The following SMAP1 variants were observed in gnomAD, a reference collection of about 807,000 sequenced individuals.
The protein encoded by SMAP1 is stromal membrane-associated protein 1.
A neutral mutation model predicts 58.5 loss-of-function variants in SMAP1; 24 were observed. That is an observed-to-expected ratio of 0.41 (90% confidence interval 0.30 to 0.58). SMAP1 has a LOEUF of 0.58. Among genes scored for constraint, SMAP1 ranks in the 20% least tolerant of loss-of-function variants. SMAP1 has a pLI of 0.29. For synonymous variants in SMAP1, 216 were observed against 196.6 expected, an observed-to-expected ratio of 1.10 and a Z score of -0.82; for missense variants, 563 against 566.3, an observed-to-expected ratio of 0.99 and a Z score of 0.06.
intron 1 of SMAP1, among the ~76,000 whole-genome samples, chr6:70,683,798 C>T (rs538726017): frequency 1.3e-5 from 2 of 152,180 alleles, no homozygotes. Context: ...GGTATCTGTT[C>T]GAGTCTGCTA....
At chr6:70,835,251 CAAAAAAAAAA>C (rs778677881) in intron 6 of SMAP1, among the ~76,000 whole-genome samples, 13 of 57,950 alleles carry the variant, frequency 2.2e-4, no homozygotes, top group East Asian at 1.6e-3. Flanking sequence ...GACTCCGTCT[CAAAAAAAAAA>C]AAAAAAAAAA....
At chr6:70,797,491 G>A (rs754179095) in intron 5 of SMAP1, among the ~76,000 whole-genome samples, 1 of 151,812 alleles carries the variant, frequency 6.6e-6, no homozygotes, top group Non-Finnish European at 1.5e-5. Flanking sequence ...TATCATCATC[G>A]TCTTTACTTT....
chr6:70,854,532 G>A lies in SMAP1; in HGVS notation c.789+1868G>A, dbSNP rs551592120. Among the ~76,000 whole-genome samples, 7 of 152,136 alleles carry A rather than the reference G, an allele frequency of 4.6e-5. No individual in the cohort carries two copies. In the South Asian group the frequency reaches 1.2e-3, roughly 27 times the overall value. ...AGTTACTCGGGAGGCTGAGGCAGGAGAATTGCTTGAACCCGGGAGGCAGAG... is the reference window on the plus strand; with the variant it reads ...AGTTACTCGGGAGGCTGAGGCAGGAAAATTGCTTGAACCCGGGAGGCAGAG... On this transcript the variant is annotated intron_variant, in intron 8 of 10. Coordinates refer to ENST00000370455, the MANE Select transcript of SMAP1 (RefSeq NM_001044305.3).
At chr6:70,694,880 A>G (rs1201733075) in intron 1 of SMAP1, among the ~76,000 whole-genome samples, 1 of 152,202 alleles carries the variant, frequency 6.6e-6, no homozygotes, top group Non-Finnish European at 1.5e-5. Flanking sequence ...GATCAAAGGT[A>G]TAATTTAAAC....
intron 2 of SMAP1, among the ~76,000 whole-genome samples, chr6:70,748,537 T>A (rs111382477): frequency 1.9e-3 from 290 of 152,262 alleles, no homozygotes; most frequent in African/African-American, 6.6e-3. Flanking sequence ...TGAGATTTTT[T>A]AAAATATATA....
At position 70,681,828 on chromosome 6, in the gene SMAP1, G is replaced by GT. The variant is rs570377110; in HGVS notation, c.118+13693dup. ...GCTTGTGGAATCTTTAGAACATCAG[G>GT]TTTTTTGATGTCTCTAGGTGCAGGA... On this transcript the variant is annotated intron_variant, in intron 1 of 10. Transcript: ENST00000370455. 3.8e-3 allele frequency among the ~76,000 whole-genome samples: 573 copies of GT among 152,236 alleles called. 1 individual carries two copies. Among genetic ancestry groups the GT allele is most frequent in the Non-Finnish European group, 4.2e-3 (286 of 68,016 alleles).
In SMAP1 at chr6:70,857,244, A is replaced by C. The variant is rs1472688679; in HGVS notation, c.961+214A>C. 6 of 406,250 alleles carry C rather than the reference A, an allele frequency of 1.5e-5. No homozygotes were observed. In the East Asian group the frequency reaches 1.5e-4, roughly 10 times the overall value. 25.2% of individuals were successfully genotyped at this position (406,250 alleles called of 1,614,324 possible). ...TCACAGAACTTTATTTGGAATTAAC[A>C]AGCTGTTCATAGATCACTAAATGTT... On this transcript the variant is annotated intron_variant, in intron 9 of 10. Transcript: ENST00000370455.
Position 70,861,936 on chromosome 6 carries a change from G to A in SMAP1, c.*1602G>A. 1 of 1,613,628 alleles carries A rather than the reference G, an allele frequency of 6.2e-7. No homozygotes were observed. The highest frequency in any genetic ancestry group is 8.5e-7 in the Non-Finnish European group (1 of 1,179,786). ...CTGGGATCCACGACGCTTAAATACA[G>A]CTTTTGGATTGGACAAAATGACTTG... On this transcript the variant is annotated 3_prime_UTR_variant, in exon 11 of 11. Coordinates refer to ENST00000370455, the MANE Select transcript of SMAP1 (RefSeq NM_001044305.3).
chr6:70,757,350 C>A (rs1175224026), intron 3 of SMAP1, among the ~76,000 whole-genome samples: 2 of 151,074 alleles, frequency 1.3e-5, no homozygotes, highest in Non-Finnish European at 2.9e-5. Flanking sequence ...CTTCCTTACA[C>A]CTTATACAAA....
chr6:70,738,667 G>C (rs117552903), intron 2 of SMAP1, among the ~76,000 whole-genome samples: 3,283 of 152,250 alleles, frequency 0.022, 54 homozygotes, highest in Middle Eastern at 0.037. Flanking sequence ...GTCTTCATAA[G>C]TAAGCTTTGC....
intron 6 of SMAP1, among the ~76,000 whole-genome samples, chr6:70,821,213 C>T (rs377282351): frequency 1.3e-5 from 2 of 152,148 alleles, no homozygotes; most frequent in Admixed American, 1.3e-4. Flanking sequence ...TGTAATCATA[C>T]CATGCAACTC....
intron 1 of SMAP1, among the ~76,000 whole-genome samples, chr6:70,705,875 T>C (rs982870071): frequency 2.0e-5 from 3 of 152,220 alleles, no homozygotes. Flanking sequence ...TACAGTTCCA[T>C]AGCCATAAGC....
intron 2 of SMAP1, among the ~76,000 whole-genome samples, chr6:70,749,058 G>A (rs964731653): frequency 6.6e-6 from 1 of 152,168 alleles, no homozygotes; most frequent in African/African-American, 2.4e-5. Flanking sequence ...CTGAGACTGG[G>A]TAATTTATAA....
At chr6:70,726,454 A>G (rs749136252) in intron 1 of SMAP1, among the ~76,000 whole-genome samples, 2 of 152,246 alleles carry the variant, frequency 1.3e-5, no homozygotes, top group African/African-American at 2.4e-5. Context: ...GATAAATGTT[A>G]TTTTAAAAGT....
chr6:70,815,209 G>A (rs1473101369), intron 6 of SMAP1, among the ~76,000 whole-genome samples: 1 of 152,024 alleles, frequency 6.6e-6, no homozygotes, highest in Non-Finnish European at 1.5e-5. Flanking sequence ...TTTTTGTAAT[G>A]CTAACCAAAA....
At chr6:70,785,692 G>T (rs1767986263) in intron 4 of SMAP1, among the ~76,000 whole-genome samples, 1 of 152,174 alleles carries the variant, frequency 6.6e-6, no homozygotes, top group African/African-American at 2.4e-5. Flanking sequence ...AAATAAACTA[G>T]AAAATCTAGA....
intron 1 of SMAP1, among the ~76,000 whole-genome samples, chr6:70,678,967 T>A (rs1384749786): frequency 6.6e-6 from 1 of 152,134 alleles, no homozygotes; most frequent in Non-Finnish European, 1.5e-5. Context: ...GCCATTATTC[T>A]GCCTAACAAA....
Position 70,860,257 on chromosome 6 carries a change from G to A in SMAP1, c.1327G>A (p.Gly443Ser). Reference sequence around the variant, plus strand: ...TAGTGCAACCCCTACTGCAGGTTTTGGCCAGCCCTCCAGCACAACAGCAGG... The same window carrying A: ...TAGTGCAACCCCTACTGCAGGTTTTAGCCAGCCCTCCAGCACAACAGCAGG... ...ISSATPTAGF[G>S]QPSSTTAGWS... The change falls in exon 11 of 11, where the codon GGC becomes AGC. Residue 443 changes from glycine to serine, a missense_variant. Gly to Ser is a moderately conservative substitution (Grantham distance 56). This residue lies in a region of SMAP1 where 494 missense variants were observed against 473.8 expected (regional missense o/e 1.04). Transcript: ENST00000370455. The A allele has an allele frequency of 6.2e-7, 1 of 1,613,724 alleles. No homozygotes were observed. The highest frequency in any genetic ancestry group is 8.5e-7 in the Non-Finnish European group (1 of 1,179,854).
intron 7 of SMAP1, among the ~76,000 whole-genome samples, chr6:70,841,859 A>G (rs1025182200): frequency 6.6e-6 from 1 of 152,234 alleles, no homozygotes; most frequent in African/African-American, 2.4e-5. Flanking sequence ...CCAGTTTTAT[A>G]TGAGAGAGGT....
Sources: allele counts gnomAD v4.1 joint callset (sites outside exome capture counted in the v4.1 genomes callset), GRCh38; gene constraint gnomAD v4.1.1; regional missense constraint gnomAD v4.1.1; transcripts MANE v1.5; gene names NCBI Gene and HGNC (gene_info 2026-07-23, HGNC 2026-07-21).